ACOXL: variants seen among roughly 807,000 people sequenced by gnomAD.
ACOXL encodes acyl-coenzyme A oxidase-like protein.
Under a neutral mutation model 71.9 loss-of-function variants are expected in ACOXL, and 70 were observed. The observed-to-expected ratio is 0.97, with a 90% CI of 0.80 to 1.19. The LOEUF (loss-of-function observed/expected upper bound fraction) is 1.19. Among genes scored for constraint, ACOXL ranks in the 50% most tolerant of loss-of-function variants. ACOXL has a pLI of 0.00. For missense variants in ACOXL, 703 were observed against 736.3 expected (o/e 0.95, Z 0.52); for synonymous variants, 253 against 281.6 (o/e 0.90, Z 1.02).
chr2:111,041,024 G>A (rs1282394448), intron 15 of ACOXL, among the ~76,000 whole-genome samples: 1 of 152,246 alleles, frequency 6.6e-6, no homozygotes, highest in South Asian at 2.1e-4. Flanking sequence ...GCGTGGAGGG[G>A]TGGGTTCTGG....
intron 16 of ACOXL, among the ~76,000 whole-genome samples, chr2:111,071,820 G>A (rs2067357176): frequency 6.6e-6 from 1 of 152,154 alleles, no homozygotes; most frequent in South Asian, 2.1e-4. Context: ...GAGCTCCTGG[G>A]AACCAAGGCT....
chr2:110,788,202 C>T (rs1684223493), intron 3 of ACOXL, among the ~76,000 whole-genome samples: 1 of 152,178 alleles, frequency 6.6e-6, no homozygotes, highest in Admixed American at 6.5e-5. Flanking sequence ...TTCATTGCAG[C>T]ATGATTCACA....
intron 1 of ACOXL, among the ~76,000 whole-genome samples, chr2:110,758,497 C>G (rs1023823372): frequency 6.6e-6 from 1 of 152,102 alleles, no homozygotes; most frequent in Non-Finnish European, 1.5e-5. Flanking sequence ...TGGCCATTCT[C>G]TGATGGCTGT....
intron 1 of ACOXL, among the ~76,000 whole-genome samples, chr2:110,743,183 A>G (rs896215565): frequency 6.6e-6 from 1 of 152,258 alleles, no homozygotes; most frequent in Admixed American, 6.5e-5. Flanking sequence ...GTGGCTTAGC[A>G]TGCTTTTGAG....
At chr2:111,040,760 G>A (rs2065743055) in intron 15 of ACOXL, among the ~76,000 whole-genome samples, 1 of 152,226 alleles carries the variant, frequency 6.6e-6, no homozygotes, top group Admixed American at 6.5e-5. Context: ...CCGAGCAGAT[G>A]GAAGAACCAG....
intron 16 of ACOXL, among the ~76,000 whole-genome samples, chr2:111,050,774 T>C (rs576311699): frequency 6.6e-6 from 1 of 152,314 alleles, no homozygotes; most frequent in African/African-American, 2.4e-5. Context: ...CTGCTTCTAG[T>C]GGTCCTCATG....
At chr2:110,804,786 C>T (rs2105357708) in intron 8 of ACOXL, among the ~76,000 whole-genome samples, 1 of 150,288 alleles carries the variant, frequency 6.7e-6, no homozygotes, top group Non-Finnish European at 1.5e-5. Context: ...GAACAGGCAC[C>T]ATAGAGAGAG....
chr2:110,753,206 C>G (rs1204508660), intron 1 of ACOXL, among the ~76,000 whole-genome samples: 1 of 152,182 alleles, frequency 6.6e-6, no homozygotes, highest in Non-Finnish European at 1.5e-5. Context: ...CTTTTGCCTT[C>G]TACTTCTACC....
intron 9 of ACOXL, among the ~76,000 whole-genome samples, chr2:110,827,361 TA>T (rs1283642547): frequency 2.0e-5 from 3 of 151,880 alleles, no homozygotes; most frequent in African/African-American, 7.3e-5. Flanking sequence ...GAAAGGTGAA[TA>T]AAGGTAGCAG....
chr2:110,772,380 C>T (rs1287545749), intron 2 of ACOXL, among the ~76,000 whole-genome samples: 3 of 152,150 alleles, frequency 2.0e-5, no homozygotes, highest in Non-Finnish European at 2.9e-5. Context: ...TCTGGGGTTG[C>T]GGACTGCTGC....
intron 12 of ACOXL, among the ~76,000 whole-genome samples, chr2:110,956,418 C>T (rs1027519731): frequency 1.3e-5 from 2 of 152,098 alleles, no homozygotes; most frequent in African/African-American, 4.8e-5. Flanking sequence ...AGGGCAGCAG[C>T]GATAGGGTCC....
intron 14 of ACOXL, among the ~76,000 whole-genome samples, chr2:111,002,461 C>T (rs1415711843): frequency 6.6e-6 from 1 of 152,106 alleles, no homozygotes; most frequent in Non-Finnish European, 1.5e-5. Flanking sequence ...GGTTATCTTT[C>T]TATGTCAATA....
chr2:110,932,804 T>C (rs2060524506), intron 11 of ACOXL, among the ~76,000 whole-genome samples: 1 of 152,122 alleles, frequency 6.6e-6, no homozygotes, highest in Non-Finnish European at 1.5e-5. Context: ...GTAAATGGAT[T>C]GGAAGAAAAG....
chr2:110,983,946 T>C (rs1047033489), intron 12 of ACOXL, among the ~76,000 whole-genome samples: 1 of 151,986 alleles, frequency 6.6e-6, no homozygotes, highest in African/African-American at 2.4e-5. Context: ...GTCTCCCGGG[T>C]TCAAGTGATT....
At chr2:111,104,429 G>A (rs2069394389) in intron 17 of ACOXL, among the ~76,000 whole-genome samples, 1 of 152,106 alleles carries the variant, frequency 6.6e-6, no homozygotes, top group Non-Finnish European at 1.5e-5. Flanking sequence ...TTTTTAGAGT[G>A]GCTGTAACAT....
At chr2:110,780,696 G>C (rs1432018107) in intron 2 of ACOXL, among the ~76,000 whole-genome samples, 3 of 152,132 alleles carry the variant, frequency 2.0e-5, no homozygotes, top group Non-Finnish European at 4.4e-5. Flanking sequence ...TCCTGCTTGT[G>C]TGACTTCAAG....
intron 14 of ACOXL, among the ~76,000 whole-genome samples, chr2:111,010,313 G>T (rs1374755282): frequency 2.6e-5 from 4 of 152,032 alleles, no homozygotes; most frequent in African/African-American, 7.2e-5. Flanking sequence ...AAATACAATA[G>T]TATTAATAAA....
At chr2:110,974,449 AAATTT>A (rs2062354609) in intron 12 of ACOXL, among the ~76,000 whole-genome samples, 1 of 152,190 alleles carries the variant, frequency 6.6e-6, no homozygotes, top group African/African-American at 2.4e-5. Flanking sequence ...CCCCTTGGTG[AAATTT>A]AATTATACCC....
At chr2:110,859,603 C>A (rs1693693984) in intron 10 of ACOXL, among the ~76,000 whole-genome samples, 1 of 152,122 alleles carries the variant, frequency 6.6e-6, no homozygotes, top group African/African-American at 2.4e-5. Context: ...TTGACGGCAG[C>A]CGGCTGCATG....
Sources: allele counts gnomAD v4.1 joint callset (sites outside exome capture counted in the v4.1 genomes callset), GRCh38; gene constraint gnomAD v4.1.1; transcripts MANE v1.5; gene names NCBI Gene and HGNC (gene_info 2026-07-23, HGNC 2026-07-21).